The following CAMTA1 variants were observed in gnomAD, a reference collection of about 807,000 sequenced individuals.
The protein encoded by CAMTA1 is calmodulin-binding transcription activator 1.
CAMTA1 carries 27 observed loss-of-function variants against 170.9 expected under a neutral mutation model. That is an observed-to-expected ratio of 0.16 (90% confidence interval 0.12 to 0.22). The LOEUF (loss-of-function observed/expected upper bound fraction) is 0.22. Ranked by LOEUF, CAMTA1 falls within the 10% of genes least tolerant of loss-of-function variation. The probability of loss-of-function intolerance (pLI) is 1.00; values close to 1 mark genes in which losing one functional copy is unlikely to be tolerated. For synonymous variants in CAMTA1, 833 were observed against 891.5 expected, an observed-to-expected ratio of 0.93 and a Z score of 1.17; for missense variants, 1,619 against 2,217.2, an observed-to-expected ratio of 0.73 and a Z score of 5.42.
chr1:6,878,932 T>C (rs1344670808), intron 3 of CAMTA1, among the ~76,000 whole-genome samples: 1 of 152,226 alleles, frequency 6.6e-6, no homozygotes, highest in Non-Finnish European at 1.5e-5. Flanking sequence ...ACCACCTACA[T>C]CTCACTAATT....
intron 5 of CAMTA1, among the ~76,000 whole-genome samples, chr1:7,342,290 C>T (rs1574809159): frequency 6.6e-6 from 1 of 152,288 alleles, no homozygotes; most frequent in Non-Finnish European, 1.5e-5. Context: ...CGGGGGTCCC[C>T]TGGGCTTCCT....
chr1:7,507,390 T>A (rs886622777), intron 6 of CAMTA1, among the ~76,000 whole-genome samples: 1 of 152,094 alleles, frequency 6.6e-6, no homozygotes, highest in Non-Finnish European at 1.5e-5. Flanking sequence ...GGCTGCAGGC[T>A]GGGGAGGGGG....
intron 4 of CAMTA1, among the ~76,000 whole-genome samples, chr1:7,102,707 C>T (rs759177613): frequency 7.2e-5 from 11 of 152,172 alleles, no homozygotes; most frequent in Non-Finnish European, 1.3e-4. Context: ...ACGGCCCTTC[C>T]ACCTCCAGTG....
intron 3 of CAMTA1, among the ~76,000 whole-genome samples, chr1:6,946,726 A>G (rs1343248603): frequency 2.6e-5 from 4 of 152,188 alleles, no homozygotes; most frequent in Non-Finnish European, 4.4e-5. Context: ...CCCTTGTCAG[A>G]GATAGGATTT....
At chr1:7,098,868 T>C (rs1642398517) in intron 4 of CAMTA1, among the ~76,000 whole-genome samples, 1 of 152,238 alleles carries the variant, frequency 6.6e-6, no homozygotes, top group East Asian at 1.9e-4. Flanking sequence ...CCAGGGCTCA[T>C]GTCCCTGGCA....
chr1:7,128,186 C>G (rs1645040651), intron 4 of CAMTA1, among the ~76,000 whole-genome samples: 1 of 152,144 alleles, frequency 6.6e-6, no homozygotes, highest in Non-Finnish European at 1.5e-5. Flanking sequence ...GGGAGAGTAG[C>G]CTTGAAGCCT....
chr1:7,239,433 CT>C, intron 4 of CAMTA1, among the ~76,000 whole-genome samples: 1 of 152,230 alleles, frequency 6.6e-6, no homozygotes, highest in African/African-American at 2.4e-5. Context: ...CACACTCCTG[CT>C]CTTTTTTTCT....
chr1:7,166,210 G>A (rs1648388699), intron 4 of CAMTA1, among the ~76,000 whole-genome samples: 1 of 152,012 alleles, frequency 6.6e-6, no homozygotes, highest in African/African-American at 2.4e-5. Context: ...GGGACTACAG[G>A]TGCCCACCAC....
chr1:7,387,069 C>T (rs2088088918), intron 5 of CAMTA1, among the ~76,000 whole-genome samples: 1 of 152,136 alleles, frequency 6.6e-6, no homozygotes. Context: ...TCCTTCTCTT[C>T]CTGGGCTCTC....
At chr1:7,085,960 A>G (rs986614562) in intron 3 of CAMTA1, among the ~76,000 whole-genome samples, 1 of 151,830 alleles carries the variant, frequency 6.6e-6, no homozygotes, top group Admixed American at 6.6e-5. Context: ...TCCCTTCCTG[A>G]TGTGTCTTGT....
Position 7,664,344 on chromosome 1 carries a change from C to T in CAMTA1, c.1797C>T (p.Phe599=), listed in dbSNP as rs1197327399. 1 of 1,613,622 alleles carries T rather than the reference C, an allele frequency of 6.2e-7. No homozygotes were observed. The highest frequency in any genetic ancestry group is 8.5e-7 in the Non-Finnish European group (1 of 1,180,030). ...IDSNKDYTSS[F]SQTGHSPHIH... Reference sequence around the variant, plus strand: ...CCAACAAGGACTACACGTCCAGCTTCAGCCAGACGGGCCACAGCCCCCACA... The same window carrying T: ...CCAACAAGGACTACACGTCCAGCTTTAGCCAGACGGGCCACAGCCCCCACA... The change falls in exon 9 of 23, where the codon TTC becomes TTT. Residue 599 remains phenylalanine (F), a synonymous_variant. Coordinates refer to ENST00000303635, the MANE Select transcript of CAMTA1 (RefSeq NM_015215.4).
intron 3 of CAMTA1, among the ~76,000 whole-genome samples, chr1:6,949,839 C>T (rs949779317): frequency 3.3e-5 from 5 of 152,398 alleles, no homozygotes; most frequent in Middle Eastern, 6.8e-3. Context: ...CTTCTGCCCT[C>T]GGCACGCCAG....
chr1:7,242,146 A>C (rs372245546), intron 4 of CAMTA1, among the ~76,000 whole-genome samples: 139 of 152,358 alleles, frequency 9.1e-4, no homozygotes, highest in African/African-American at 3.1e-3. Context: ...CAAGAGATTC[A>C]AATAGATTCA....
At chr1:6,936,967 G>A (rs1207738945) in intron 3 of CAMTA1, among the ~76,000 whole-genome samples, 3 of 151,990 alleles carry the variant, frequency 2.0e-5, no homozygotes, top group Non-Finnish European at 1.5e-5. Context: ...CAGCCTGGGC[G>A]ACAGAGTGAG....
chr1:7,655,687 A>G (rs1268242918), intron 7 of CAMTA1, among the ~76,000 whole-genome samples: 2 of 136,640 alleles, frequency 1.5e-5, no homozygotes, highest in East Asian at 3.9e-4. Flanking sequence ...ATACACACCT[A>G]TACACACACA....
chr1:7,478,712 C>CTTTA (rs2308068), intron 6 of CAMTA1, among the ~76,000 whole-genome samples: 120,308 of 151,760 alleles, frequency 0.79, 48,581 homozygotes, highest in African/African-American at 0.95. Context: ...TGGTTACTAT[C>CTTTA]TTTATCAAGC....
chr1:7,434,009 T>C (rs2092266574), intron 5 of CAMTA1, among the ~76,000 whole-genome samples: 1 of 152,158 alleles, frequency 6.6e-6, no homozygotes, highest in Non-Finnish European at 1.5e-5. Context: ...TGGGCTTCAC[T>C]GCTGCCTGCT....
chr1:7,392,271 T>G (rs1311532480), intron 5 of CAMTA1, among the ~76,000 whole-genome samples: 77 of 151,176 alleles, frequency 5.1e-4, no homozygotes, highest in African/African-American at 1.8e-3. Flanking sequence ...TTTTTTTTTT[T>G]TTTGAGTCAG....
chr1:7,258,169 A>G (rs1223466589), intron 5 of CAMTA1, among the ~76,000 whole-genome samples: 1 of 152,174 alleles, frequency 6.6e-6, no homozygotes, highest in Admixed American at 6.6e-5. Context: ...GTTGGGGGAG[A>G]AGCTTGTTAG....
Sources: gnomAD v4.1 joint callset for allele counts (sites outside exome capture counted in the v4.1 genomes callset) on GRCh38, gnomAD v4.1.1 for gene constraint, MANE v1.5 for transcripts, NCBI Gene and HGNC (gene_info 2026-07-23, HGNC 2026-07-21) for gene names.